The following SLBP variants were observed in gnomAD, a reference collection of about 807,000 sequenced individuals.
The protein encoded by SLBP is histone RNA hairpin-binding protein.
SLBP carries 29 observed loss-of-function variants against 39.2 expected under a neutral mutation model. The ratio of observed to expected loss-of-function variants is 0.74; its 90% CI spans 0.55 to 1.01. The LOEUF is 1.01. Ranked by LOEUF, SLBP falls within the 50% of genes least tolerant of loss-of-function variation. SLBP has a pLI of 0.00. For synonymous variants in SLBP, 129 were observed against 118.7 expected (o/e 1.09, Z -0.57); for missense variants, 390 against 350.2 (o/e 1.11, Z -0.91).
At chr4:1,709,493 C>G (rs182526688) in intron 2 of SLBP, among the ~76,000 whole-genome samples, 2 of 152,220 alleles carry the variant, frequency 1.3e-5, no homozygotes, top group Non-Finnish European at 2.9e-5. Flanking sequence ...CCCGCTCCCA[C>G]TAGCTACTCT....
chr4:1,697,297 G>A (rs906723962), intron 5 of SLBP, among the ~76,000 whole-genome samples: 5 of 146,164 alleles, frequency 3.4e-5, no homozygotes, highest in Non-Finnish European at 7.5e-5. Context: ...GTGAAACCCT[G>A]TCTCCACTAA....
chr4:1,710,241 C>A (rs1716689851), intron 2 of SLBP, among the ~76,000 whole-genome samples: 1 of 152,218 alleles, frequency 6.6e-6, no homozygotes, highest in Admixed American at 6.5e-5. Flanking sequence ...CCTGAAGATG[C>A]CTCCCATGTA....
In SLBP at chr4:1,711,878, C is replaced by G. The variant is rs1716789435; in HGVS notation, c.172G>C (p.Glu58Gln). Reference sequence around the variant, plus strand: ...ACCCCCGGGTCCCGCGCCCACCTCTCGGGTCTGCGCTCGGCGCCGCGGTGC... The same window carrying G: ...ACCCCCGGGTCCCGCGCCCACCTCTGGGGTCTGCGCTCGGCGCCGCGGTGC... ...AEHRGAERRP[E>Q]SFTTPEGPKP... The change falls in exon 2 of 8, where the codon GAG (glutamate) becomes CAG (glutamine). Residue 58 changes from glutamate to glutamine, a missense_variant. Glu to Gln is a conservative substitution (Grantham distance 29). Transcript: ENST00000489418. The G allele has an allele frequency of 8.2e-6, 11 of 1,344,232 alleles. No homozygotes were observed. The highest frequency in any genetic ancestry group is 1.1e-5 in the Non-Finnish European group (11 of 1,047,370). 83.3% of individuals were successfully genotyped at this position (1,344,232 alleles called of 1,614,324 possible).
At chr4:1,708,871 T>C (rs1041730900) in intron 2 of SLBP, among the ~76,000 whole-genome samples, 1 of 152,212 alleles carries the variant, frequency 6.6e-6, no homozygotes, top group Admixed American at 6.5e-5. Flanking sequence ...GACAGAAGCA[T>C]TCCTATAGTT....
At chr4:1,699,429 C>T (rs1209213648) in intron 5 of SLBP, 135 bp downstream of exon 5, 1 of 686,212 alleles carries the variant, frequency 1.5e-6, no homozygotes, top group Non-Finnish European at 2.4e-6. Flanking sequence ...TCATAAGCCC[C>T]AGTAAGTCCC....
intron 5 of SLBP, among the ~76,000 whole-genome samples, chr4:1,697,638 C>T (rs753466882): frequency 1.3e-5 from 2 of 151,674 alleles, no homozygotes; most frequent in African/African-American, 2.4e-5. Context: ...GTCAGGAGTT[C>T]GAGACCAGCC....
intron 2 of SLBP, among the ~76,000 whole-genome samples, chr4:1,708,547 G>A (rs935146140): frequency 2.6e-5 from 4 of 152,212 alleles, no homozygotes; most frequent in Non-Finnish European, 5.9e-5. Context: ...ATCCTCACTA[G>A]TGTATCAAGA....
Position 1,693,456 on chromosome 4 carries a change from A to T in SLBP, c.*141T>A. ...AAAATTAATGTTTCTTAAGAAAGTA[A>T]GGCAAAAATAATTCAGCATGAGCTA... On this transcript the variant is annotated 3_prime_UTR_variant, in exon 8 of 8. Transcript: ENST00000489418. 1.6e-6 allele frequency: 1 copy of T among 643,274 alleles called. No individual in the cohort carries two copies. Among genetic ancestry groups the T allele is most frequent in the Non-Finnish European group, 2.8e-6 (1 of 355,040 alleles). 39.8% of individuals were successfully genotyped at this position (643,274 alleles called of 1,614,324 possible). A position where few individuals can be genotyped will look rare whatever the true frequency, so the allele number is the denominator to read the frequency against.
At chr4:1,704,036 GTC>G (rs1445509211) in intron 2 of SLBP, among the ~76,000 whole-genome samples, 2 of 152,106 alleles carry the variant, frequency 1.3e-5, no homozygotes, top group African/African-American at 4.8e-5. Flanking sequence ...ATCCAGGGCT[GTC>G]TTACTAGAGC....
chr4:1,710,384 G>A (rs1263169928), intron 2 of SLBP, among the ~76,000 whole-genome samples: 2 of 152,202 alleles, frequency 1.3e-5, no homozygotes, highest in South Asian at 4.1e-4. Context: ...AATCAACAGC[G>A]TTCAGACCTA....
chr4:1,712,098 G>T (rs1328440775), intron 1 of SLBP, 32 bp downstream of exon 1: 19 of 1,227,508 alleles, frequency 1.5e-5, no homozygotes, highest in African/African-American at 3.1e-5. Context: ...CGGGGCACGC[G>T]CTCCCTCGCC....
chr4:1,694,107 G>A (rs1716017453), intron 7 of SLBP, among the ~76,000 whole-genome samples: 1 of 152,056 alleles, frequency 6.6e-6, no homozygotes, highest in African/African-American at 2.4e-5. Context: ...TCTTGAGACA[G>A]AGTCTCACTC....
intron 3 of SLBP, among the ~76,000 whole-genome samples, chr4:1,701,237 C>T (rs935817431): frequency 1.3e-5 from 2 of 150,266 alleles, no homozygotes; most frequent in Admixed American, 6.7e-5. Context: ...CCTCCGCCTC[C>T]CGGGTCCAAG....
At chr4:1,711,113 AG>A (rs1716750095) in intron 2 of SLBP, among the ~76,000 whole-genome samples, 1 of 150,254 alleles carries the variant, frequency 6.7e-6, no homozygotes, top group Non-Finnish European at 1.5e-5. Context: ...TTCCGCGCTC[AG>A]CATAATTTTT....
chr4:1,697,158 T>TA (rs59715153), intron 5 of SLBP, among the ~76,000 whole-genome samples: 3,606 of 32,812 alleles, frequency 0.11, 827 homozygotes, highest in Non-Finnish European at 0.16. Flanking sequence ...GACTCCACCT[T>TA]AAAAAAAAAA....
Position 1,712,277 on chromosome 4 carries a change from T to C in SLBP, c.-89A>G, listed in dbSNP as rs181032842. The stretch of plus-strand genomic sequence containing the variant: ...GCGCAGAGTAGAGCAGGGCAGGGCC[T>C]GAGGCAGAAACCCGCGTCCCCGCGC... On this transcript the variant is annotated 5_prime_UTR_variant, in exon 1 of 8. Coordinates refer to ENST00000489418, the MANE Select transcript of SLBP (RefSeq NM_006527.4). 4.3e-3 allele frequency: 3,596 copies of C among 830,064 alleles called. 113 individuals are homozygous for C. The African/African-American group carries it at 0.059, about 14-fold the overall frequency. 51.4% of individuals were successfully genotyped at this position (830,064 alleles called of 1,614,324 possible).
rs866765996 is a variant in SLBP at position 1,699,591 on chromosome 4, T to C, written c.452A>G (p.Tyr151Cys). The C allele has an allele frequency of 6.2e-7, 1 of 1,613,192 alleles. No homozygotes were observed. The highest frequency in any genetic ancestry group is 1.1e-5 in the South Asian group (1 of 91,076). The change falls in exon 5 of 8, where the codon TAC (tyrosine) becomes TGC (cysteine). Residue 151 changes from tyrosine (Y) to cysteine (C), a missense_variant. Tyr to Cys is a radical substitution (Grantham distance 194). Transcript: ENST00000489418. ...QINYGKNTIA[Y>C]DRYIKEVPRH... ...TGGGACTTCTTTAATATAACGATCG[T>C]AGGCAATTGTGTTCTTCCCATAGTT...
chr4:1,704,191 C>T (rs1469190936), intron 2 of SLBP, among the ~76,000 whole-genome samples: 1 of 152,140 alleles, frequency 6.6e-6, no homozygotes, highest in Non-Finnish European at 1.5e-5. Context: ...TGGCTGAAAT[C>T]AACTTATTTC....
chr4:1,693,987 T>C (rs913058187), intron 7 of SLBP, among the ~76,000 whole-genome samples: 1 of 152,182 alleles, frequency 6.6e-6, no homozygotes, highest in South Asian at 2.1e-4. Context: ...ATGTACATAG[T>C]TTATAAGCAC....
Sources: gnomAD v4.1 joint callset for allele counts (sites outside exome capture counted in the v4.1 genomes callset) on GRCh38, gnomAD v4.1.1 for gene constraint, MANE v1.5 for transcripts, NCBI Gene and HGNC (gene_info 2026-07-23, HGNC 2026-07-21) for gene names.